RNF14: variants seen among roughly 807,000 people sequenced by gnomAD.
The protein encoded by RNF14 is ring finger protein 14, also known as E3 ubiquitin-protein ligase RNF14.
RNF14 carries 26 observed loss-of-function variants against 52.6 expected under a neutral mutation model. The ratio of observed to expected loss-of-function variants is 0.49; its 90% CI spans 0.36 to 0.69. The LOEUF (loss-of-function observed/expected upper bound fraction) is 0.69. Among genes scored for constraint, RNF14 ranks in the 30% least tolerant of loss-of-function variants. The pLI is 0.00. For missense variants in RNF14, 404 were observed against 560.4 expected, an observed-to-expected ratio of 0.72 and a Z score of 2.82; for synonymous variants, 194 against 202.0, an observed-to-expected ratio of 0.96 and a Z score of 0.34.
rs1391341910 is a variant in RNF14 at position 141,984,916 on chromosome 5, T to C, written c.1350T>C (p.Gly450=). ...CTTACAAACATTTCAATGACCCTGGTTCACCATGTTTTAACCGGTATGTAT... is the reference window on the plus strand; with the variant it reads ...CTTACAAACATTTCAATGACCCTGGCTCACCATGTTTTAACCGGTATGTAT... The part of the protein sequence containing the change: ...ANPYKHFNDP[G]SPCFNRLFYA... The change falls in exon 8 of 9, where the codon GGT becomes GGC. Residue 450 remains glycine (G), a synonymous_variant. Transcript: ENST00000394520. 2 of 1,613,970 alleles carry C rather than the reference T, an allele frequency of 1.2e-6. No homozygotes were observed. The highest frequency in any genetic ancestry group is 2.2e-5 in the East Asian group (1 of 44,846).
Position 141,989,840 on chromosome 5 carries a change from C to G in RNF14, c.*2050C>G, listed in dbSNP as rs747607934. On this transcript the variant is annotated 3_prime_UTR_variant, in exon 9 of 9. Coordinates refer to ENST00000394520, the MANE Select transcript of RNF14 (RefSeq NM_004290.5). Reference sequence around the variant, plus strand: ...TCAGATTTATTCAGAAAGAGCTACTCAGAAGCTCTATAGTTCGTGAGCTAC... The same window carrying G: ...TCAGATTTATTCAGAAAGAGCTACTGAGAAGCTCTATAGTTCGTGAGCTAC... 6.6e-6 allele frequency: 1 copy of G among 152,166 alleles called. No homozygotes were observed. The highest frequency in any genetic ancestry group is 2.4e-5 in the African/African-American group (1 of 41,434). The allele number at this position is 152,166 out of a possible 1,614,324, so 9.4% of individuals were successfully genotyped here. A position where few individuals can be genotyped will look rare whatever the true frequency, so the allele number is the denominator to read the frequency against.
intron 4 of RNF14, among the ~76,000 whole-genome samples, chr5:141,977,588 G>T (rs1754380667): frequency 6.6e-6 from 1 of 152,128 alleles, no homozygotes; most frequent in South Asian, 2.1e-4. Flanking sequence ...TTTAATTTTG[G>T]TTGCTTAGCT....
At chr5:141,950,801 G>C in the RNF14 span, among the ~76,000 whole-genome samples, 1 of 152,292 alleles carries the variant, frequency 6.6e-6, no homozygotes, top group Admixed American at 6.5e-5. Context: ...ATTGCTTCAA[G>C]GGGAAAGGAG....
At chr5:141,967,877 A>G (rs1217413000), upstream of RNF14, among the ~76,000 whole-genome samples, 1 of 152,204 alleles carries the variant, frequency 6.6e-6, no homozygotes, top group African/African-American at 2.4e-5. Context: ...CTTCAAAAGT[A>G]TACAATCCAG....
chr5:141,979,989 G>C (rs911524382), intron 5 of RNF14, 134 bp from the exon 6 acceptor site: 1 of 687,922 alleles, frequency 1.5e-6, no homozygotes, highest in African/African-American at 1.8e-5. Context: ...AAATGTACTT[G>C]GTTTGATTTT....
upstream of RNF14, chr5:141,966,845 G>C (rs897715052): frequency 6.6e-6 from 1 of 152,300 alleles, no homozygotes; most frequent in Non-Finnish European, 1.5e-5. Context: ...TGGTGCATGG[G>C]CTTCCTCACT....
upstream of RNF14, chr5:141,956,042 C>T (rs1180518418): frequency 5.6e-6 from 9 of 1,613,990 alleles, no homozygotes; most frequent in Admixed American, 1.5e-4. Context: ...GGAGGTGTGT[C>T]AGTGCCCGCT....
the RNF14 span, chr5:141,949,561 C>T: frequency 6.2e-7 from 1 of 1,614,076 alleles, no homozygotes; most frequent in Non-Finnish European, 8.5e-7. Flanking sequence ...GCACTTGGGC[C>T]ATCTGTGTCT....
At chr5:141,951,621 C>T in the RNF14 span, 1 of 1,503,502 alleles carries the variant, frequency 6.7e-7, no homozygotes, top group South Asian at 1.1e-5. Context: ...GTTGACTCCA[C>T]ACAATTCCGA....
chr5:141,955,071 C>T (rs906145048), upstream of RNF14: 2 of 1,614,102 alleles, frequency 1.2e-6, no homozygotes, highest in African/African-American at 2.7e-5. This position sits in a 1 kb window ranked among gnomAD's most constrained non-coding sequence, Gnocchi z 5.5. Flanking sequence ...TCTGACGGGG[C>T]CCTGATTCTT....
At chr5:141,957,470 T>C (rs748469344), upstream of RNF14, 7 of 1,612,968 alleles carry the variant, frequency 4.3e-6, no homozygotes, top group Admixed American at 1.2e-4. The surrounding 1 kb of genome is among the most constrained non-coding windows in gnomAD (Gnocchi z 4.3). Flanking sequence ...TGGTCATTGA[T>C]GTCCAGCACT....
chr5:141,950,853 TATGG>T, the RNF14 span, among the ~76,000 whole-genome samples: 1 of 152,226 alleles, frequency 6.6e-6, no homozygotes. Flanking sequence ...GTTGCTGGGC[TATGG>T]GCTTAGAATA....
At chr5:141,957,525 A>C, upstream of RNF14, 1 of 1,614,194 alleles carries the variant, frequency 6.2e-7, no homozygotes, top group Non-Finnish European at 8.5e-7. The surrounding 1 kb of genome is among the most constrained non-coding windows in gnomAD (Gnocchi z 4.3). Flanking sequence ...TGGCAAGCAC[A>C]TCAAAGGAAA....
chr5:141,958,118 A>C (rs1753218353), upstream of RNF14: 1 of 481,238 alleles, frequency 2.1e-6, no homozygotes, highest in African/African-American at 1.9e-5. Flanking sequence ...GGTCCACTTC[A>C]GCAAATGATG....
At chr5:141,957,000 A>G, upstream of RNF14, 1 of 1,614,190 alleles carries the variant, frequency 6.2e-7, no homozygotes, top group South Asian at 1.1e-5. Context: ...GCATGTGCTT[A>G]CTGAGGAAGA....
intron 5 of RNF14, among the ~76,000 whole-genome samples, chr5:141,979,537 C>G (rs1313445839): frequency 6.6e-6 from 1 of 152,176 alleles, no homozygotes; most frequent in Non-Finnish European, 1.5e-5. Context: ...CAGGCGTGAG[C>G]CACTGCTCCT....
the RNF14 span, chr5:141,949,571 T>C: frequency 1.2e-6 from 2 of 1,613,834 alleles, no homozygotes; most frequent in Non-Finnish European, 1.7e-6. Flanking sequence ...CATCTGTGTC[T>C]GGGATTGCAC....
At chr5:141,957,626 G>C (rs759106062), upstream of RNF14, 2 of 1,614,016 alleles carry the variant, frequency 1.2e-6, no homozygotes, top group East Asian at 4.5e-5. This position sits in a 1 kb window ranked among gnomAD's most constrained non-coding sequence, Gnocchi z 4.3. Flanking sequence ...ACCTGAATGG[G>C]GAGCGCCTGA....
intron 4 of RNF14, among the ~76,000 whole-genome samples, chr5:141,978,086 T>C (rs527364754): frequency 3.3e-5 from 5 of 152,336 alleles, no homozygotes; most frequent in Admixed American, 2.0e-4. Context: ...CTTCTGACTT[T>C]ATGTTCTACT....
Sources: gnomAD v4.1 joint callset for allele counts (sites outside exome capture counted in the v4.1 genomes callset) on GRCh38, gnomAD v4.1.1 for gene constraint, Gnocchi (gnomAD v3.1) non-coding constraint, MANE v1.5 for transcripts, NCBI Gene and HGNC (gene_info 2026-07-23, HGNC 2026-07-21) for gene names.